TAOK3: variants seen among roughly 807,000 people sequenced by gnomAD.
TAOK3 encodes the protein TAO kinase 3, also known as serine/threonine-protein kinase TAO3.
Under a neutral mutation model 120.4 loss-of-function variants are expected in TAOK3, and 40 were observed. The ratio of observed to expected loss-of-function variants is 0.33; its 90% CI spans 0.26 to 0.43. TAOK3 has a LOEUF of 0.43. Among genes scored for constraint, TAOK3 ranks in the 20% least tolerant of loss-of-function variants. TAOK3 has a pLI of 1.00. For synonymous variants in TAOK3, 355 were observed against 387.5 expected, an observed-to-expected ratio of 0.92 and a Z score of 0.99; for missense variants, 821 against 1,112.1, an observed-to-expected ratio of 0.74 and a Z score of 3.72.
At position 118,151,286 on chromosome 12, in the gene TAOK3, C is replaced by T. The variant is rs1244234180; in HGVS notation, c.2536-128G>A. The T allele has an allele frequency of 1.2e-4, 53 of 439,378 alleles. 1 individual carries two copies. Among genetic ancestry groups the T allele is most frequent in the Middle Eastern group, 5.7e-4 (1 of 1,762 alleles). 27.2% of individuals were successfully genotyped at this position (439,378 alleles called of 1,614,324 possible). ...TAGGCACACACATGAAGTGCGCGCG[C>T]GCGCACACACACACACACACACACA... On this transcript the variant is annotated intron_variant, in intron 20 of 20. Transcript: ENST00000392533.
intron 1 of TAOK3, among the ~76,000 whole-genome samples, chr12:118,350,108 A>G (rs1268979356): frequency 6.6e-6 from 1 of 152,234 alleles, no homozygotes; most frequent in African/African-American, 2.4e-5. Flanking sequence ...AATAGCCCAT[A>G]ACTTCACTGA....
At position 118,189,848 on chromosome 12, in the gene TAOK3, G is replaced by C. The variant is rs2037329860; in HGVS notation, c.1288C>G (p.Arg430Gly). ...QSVQSQALHYRNRERFATIKS... is the reference protein window; with the variant it reads ...QSVQSQALHYGNRERFATIKS... ...ATCGTGGCAAAGCGCTCTCTGTTCCGGTAGTGGAGGGCCTGGCTCTGAACT... is the reference window on the plus strand; with the variant it reads ...ATCGTGGCAAAGCGCTCTCTGTTCCCGTAGTGGAGGGCCTGGCTCTGAACT... The change falls in exon 14 of 21, where the codon CGG (arginine) becomes GGG (glycine). Residue 430 changes from arginine (R) to glycine (G), a missense_variant. Arg to Gly is a moderately radical substitution (Grantham distance 125). Transcript: ENST00000392533. 1.2e-6 allele frequency: 2 copies of C among 1,614,088 alleles called. No homozygotes were observed. Among genetic ancestry groups the C allele is most frequent in the Non-Finnish European group, 1.7e-6 (2 of 1,180,048 alleles).
intron 1 of TAOK3, among the ~76,000 whole-genome samples, chr12:118,355,335 A>C (rs1434798518): frequency 1.3e-5 from 2 of 152,232 alleles, no homozygotes; most frequent in Non-Finnish European, 2.9e-5. Flanking sequence ...CACTCTGCTG[A>C]GAAAATAACA....
At chr12:118,236,009 C>T (rs534119835) in intron 7 of TAOK3, 124 of 199,590 alleles carry the variant, frequency 6.2e-4, no homozygotes, top group Non-Finnish European at 1.1e-3. Flanking sequence ...AAGGCTAAAT[C>T]CAGTTATCAA....
At chr12:118,302,099 T>C (rs2042903963) in intron 1 of TAOK3, among the ~76,000 whole-genome samples, 1 of 152,184 alleles carries the variant, frequency 6.6e-6, no homozygotes, top group Admixed American at 6.5e-5. Flanking sequence ...TCATTCTCTG[T>C]CCCTATCCAC....
chr12:118,301,225 A>G (rs2042869357), intron 1 of TAOK3, among the ~76,000 whole-genome samples: 1 of 152,220 alleles, frequency 6.6e-6, no homozygotes, highest in Non-Finnish European at 1.5e-5. Context: ...AGATAGTGTA[A>G]TGCCATAAGC....
intron 13 of TAOK3, among the ~76,000 whole-genome samples, chr12:118,195,956 A>G (rs948079061): frequency 6.6e-6 from 1 of 152,150 alleles, no homozygotes; most frequent in South Asian, 2.1e-4. Context: ...AGGCTGATGC[A>G]GGAGAATGGC....
At chr12:118,207,856 T>TCACA (rs1368625660) in intron 11 of TAOK3, among the ~76,000 whole-genome samples, 2 of 49,606 alleles carry the variant, frequency 4.0e-5, no homozygotes, top group African/African-American at 1.2e-4. Flanking sequence ...CGAGACTCTG[T>TCACA]CTCACACACA....
chr12:118,308,109 G>T (rs568259999), intron 1 of TAOK3, among the ~76,000 whole-genome samples: 3 of 152,178 alleles, frequency 2.0e-5, no homozygotes, highest in Admixed American at 6.5e-5. Context: ...GATAAAACAG[G>T]TTGCAGTAAA....
intron 1 of TAOK3, among the ~76,000 whole-genome samples, chr12:118,302,988 ATACT>A (rs2042931358): frequency 6.6e-6 from 1 of 152,190 alleles, no homozygotes; most frequent in Non-Finnish European, 1.5e-5. Context: ...AAAACCAAAT[ATACT>A]ACTAAACACC....
At chr12:118,238,221 TTTA>T (rs2040100286) in intron 6 of TAOK3, 52 bp from the exon 7 acceptor site, 1 of 1,111,472 alleles carries the variant, frequency 9.0e-7, no homozygotes, top group Non-Finnish European at 1.4e-6. Flanking sequence ...CATTCCTCAT[TTTA>T]TTATTTTATA....
At chr12:118,169,000 C>T (rs12812165) in intron 17 of TAOK3, among the ~76,000 whole-genome samples, 93 of 54,098 alleles carry the variant, frequency 1.7e-3, no homozygotes, top group Non-Finnish European at 2.7e-3. Context: ...TTCCTTCCTT[C>T]CTTTCTTTCT....
chr12:118,212,993 G>C lies in TAOK3; in HGVS notation c.740C>G (p.Thr247Arg), dbSNP rs774976136. ...ATCAACAAATCTCCTAAAGGAGTCTGTCCTGTGTGTGCAAATACACAAAAG... is the reference window on the plus strand; with the variant it reads ...ATCAACAAATCTCCTAAAGGAGTCTCTCCTGTGTGTGCAAATACACAAAAG... ...DSPTLQSNEW[T>R]DSFRRFVDYC... Residue 247 changes from threonine (T) to arginine (R), a missense_variant and splice_region_variant, in exon 11 of 21, where the codon ACA becomes AGA. Thr to Arg is a moderately conservative substitution (Grantham distance 71). Coordinates refer to ENST00000392533, the MANE Select transcript of TAOK3 (RefSeq NM_016281.4). The C allele has an allele frequency of 6.3e-7, 1 of 1,599,718 alleles. No individual in the cohort carries two copies. Among genetic ancestry groups the C allele is most frequent in the South Asian group, 1.1e-5 (1 of 88,602 alleles).
intron 16 of TAOK3, 55 bp downstream of exon 16, chr12:118,177,146 T>C (rs1565900383): frequency 6.4e-7 from 1 of 1,573,836 alleles, no homozygotes; most frequent in African/African-American, 1.4e-5. Flanking sequence ...GAGTGAATGT[T>C]AAGTTCCAAC....
At chr12:118,296,215 T>TC (rs1327677384) in intron 1 of TAOK3, among the ~76,000 whole-genome samples, 1 of 152,206 alleles carries the variant, frequency 6.6e-6, no homozygotes, top group Admixed American at 6.5e-5. Context: ...CACTGCAACC[T>TC]CCATCTCCAA....
chr12:118,257,433 CTTT>C (rs900527966), intron 2 of TAOK3, among the ~76,000 whole-genome samples: 5 of 151,976 alleles, frequency 3.3e-5, no homozygotes, highest in Non-Finnish European at 5.9e-5. Flanking sequence ...GATGTAGATT[CTTT>C]TTTATTTTTT....
rs2037335155 is a variant in TAOK3, at chr12:118,189,899, T to C, written c.1237A>G (p.Arg413Gly). ...IRDEAGHGDP[R>G]PEPRPTQSVQ... ...GACTGGGTAGGCCGCGGCTCAGGCCTGGGATCGCCGTGGCCCGCCTCATCC... is the reference window on the plus strand; with the variant it reads ...GACTGGGTAGGCCGCGGCTCAGGCCCGGGATCGCCGTGGCCCGCCTCATCC... The change falls in exon 14 of 21, where the codon AGG becomes GGG. Residue 413 changes from arginine to glycine, a missense_variant. Around this residue, in one of 2 missense-constraint regions of TAOK3, gnomAD observed 467 missense variants for 540.0 expected, o/e 0.86. Coordinates refer to ENST00000392533, the MANE Select transcript of TAOK3 (RefSeq NM_016281.4). 2 of 1,614,198 alleles carry C rather than the reference T, an allele frequency of 1.2e-6. No individual in the cohort carries two copies. Among genetic ancestry groups the C allele is most frequent in the Non-Finnish European group, 1.7e-6 (2 of 1,180,032 alleles).
chr12:118,287,194 C>G (rs371308936), intron 1 of TAOK3, among the ~76,000 whole-genome samples: 1 of 152,144 alleles, frequency 6.6e-6, no homozygotes, highest in Non-Finnish European at 1.5e-5. Flanking sequence ...CAAACACCAC[C>G]TGTTCCCAAT....
Position 118,238,199 on chromosome 12 carries a change from G to A in TAOK3, c.341-30C>T, listed in dbSNP as rs1444631325. On this transcript the variant is annotated intron_variant, in intron 6 of 20. Transcript: ENST00000392533. ...GGAAGGAAAAAAAAAAAAGTCAGTA[G>A]ATGATCAGTTTCATTCCTCATTTTA... 3 of 1,332,410 alleles carry A rather than the reference G, an allele frequency of 2.3e-6. No homozygotes were observed. In the South Asian group the frequency reaches 3.6e-5, roughly 16 times the overall value. 82.5% of individuals were successfully genotyped at this position (1,332,410 alleles called of 1,614,324 possible).
Sources: allele counts gnomAD v4.1 joint callset (sites outside exome capture counted in the v4.1 genomes callset), GRCh38; gene constraint gnomAD v4.1.1; regional missense constraint gnomAD v4.1.1; transcripts MANE v1.5; gene names NCBI Gene and HGNC (gene_info 2026-07-23, HGNC 2026-07-21).